Variants in FGF12 observed in about 807,000 individuals in gnomAD.
FGF12 encodes the protein fibroblast growth factor 12, also known as fibroblast growth factor 12B.
A neutral mutation model predicts 23.6 loss-of-function variants in FGF12; 14 were observed. The ratio of observed to expected loss-of-function variants is 0.59; its 90% CI spans 0.39 to 0.93. The LOEUF (loss-of-function observed/expected upper bound fraction) is 0.93, where lower values mean the gene tolerates loss of function less well. FGF12 is among the 40% of genes least tolerant of loss of function. The pLI, the probability that FGF12 is intolerant of heterozygous loss-of-function variation, is 0.00. For missense variants in FGF12, 175 were observed against 217.8 expected (o/e 0.80, Z 1.24); for synonymous variants, 62 against 77.3 (o/e 0.80, Z 1.04).
chr3:192,267,908 A>G (rs550191651), intron 4 of FGF12, among the ~76,000 whole-genome samples: 1 of 152,178 alleles, frequency 6.6e-6, no homozygotes, highest in African/African-American at 2.4e-5. Flanking sequence ...TAAGTTTAAC[A>G]CAAATCATAG....
chr3:192,562,254 C>A (rs1037288133), intron 2 of FGF12, among the ~76,000 whole-genome samples: 2 of 152,058 alleles, frequency 1.3e-5, no homozygotes, highest in Non-Finnish European at 2.9e-5. Flanking sequence ...AAGAGACTGA[C>A]TGGAAGGGAT....
Position 192,173,371 on chromosome 3 carries a change from C to T in FGF12, c.229-2715G>A, listed in dbSNP as rs1305525005. ...GAATGAAACTATTGCACATTCCTTG[C>T]CTGGCAGCACAGGGCTATATGATAA... On this transcript the variant is annotated intron_variant, in intron 4 of 5. Transcript: ENST00000445105. Among the ~76,000 whole-genome samples, 4 of 150,686 alleles carry T rather than the reference C, an allele frequency of 2.7e-5. 1 individual carries two copies. The highest frequency in any genetic ancestry group is 5.9e-5 in the Non-Finnish European group (4 of 67,574).
At chr3:192,339,103 G>T (rs1717560803) in intron 3 of FGF12, among the ~76,000 whole-genome samples, 1 of 152,134 alleles carries the variant, frequency 6.6e-6, no homozygotes, top group Non-Finnish European at 1.5e-5. Context: ...TAGCTGGTTT[G>T]CTTTGTGAGA....
intron 2 of FGF12, among the ~76,000 whole-genome samples, chr3:192,721,236 AAGTC>A (rs1383325949): frequency 1.3e-5 from 2 of 152,178 alleles, no homozygotes; most frequent in Non-Finnish European, 2.9e-5. Context: ...AAAATGATGA[AAGTC>A]AGATTATAAT....
chr3:192,564,213 G>A (rs945791920), intron 2 of FGF12, among the ~76,000 whole-genome samples: 1 of 152,006 alleles, frequency 6.6e-6, no homozygotes, highest in Admixed American at 6.5e-5. Flanking sequence ...ACAGGCGCCC[G>A]CCACCATGCC....
intron 2 of FGF12, among the ~76,000 whole-genome samples, chr3:192,714,024 C>T (rs750288342): frequency 6.6e-6 from 1 of 152,196 alleles, no homozygotes; most frequent in Non-Finnish European, 1.5e-5. Flanking sequence ...GATTTCGTAC[C>T]AGAGCAGTTC....
chr3:192,222,511 T>C (rs1353208435), intron 4 of FGF12, among the ~76,000 whole-genome samples: 1 of 152,166 alleles, frequency 6.6e-6, no homozygotes, highest in Non-Finnish European at 1.5e-5. Context: ...AGTATTTTTC[T>C]TGCACATCAG....
Position 192,167,485 on chromosome 3 carries a change from G to T in FGF12, c.427+2973C>A, listed in dbSNP as rs573513353. Among the ~76,000 whole-genome samples the T allele has an allele frequency of 2.6e-5, 4 of 151,944 alleles. No homozygotes were observed. The South Asian group carries it at 8.3e-4, about 32-fold the overall frequency. ...GTAGTAAAAGCTGGATGCAGCCAAG[G>T]CCCTACCAATTGGAAAAGCACAGTA... On this transcript the variant is annotated intron_variant, in intron 5 of 5. Coordinates refer to ENST00000445105, the MANE Select transcript of FGF12 (RefSeq NM_004113.6).
chr3:192,423,669 T>C (rs1372871197), intron 2 of FGF12, among the ~76,000 whole-genome samples: 1 of 152,206 alleles, frequency 6.6e-6, no homozygotes, highest in Non-Finnish European at 1.5e-5. Flanking sequence ...CAACATGCTT[T>C]AGGTCACACA....
chr3:192,199,594 A>G (rs1411808023), intron 4 of FGF12, among the ~76,000 whole-genome samples: 1 of 152,218 alleles, frequency 6.6e-6, no homozygotes, highest in Non-Finnish European at 1.5e-5. Flanking sequence ...TTGGTTTGAG[A>G]GCCAGTGCAT....
At chr3:192,239,989 T>C (rs1214587456) in intron 4 of FGF12, among the ~76,000 whole-genome samples, 1 of 152,132 alleles carries the variant, frequency 6.6e-6, no homozygotes, top group Non-Finnish European at 1.5e-5. Context: ...GGGGGGAAGA[T>C]CCCAGAAATA....
intron 2 of FGF12, among the ~76,000 whole-genome samples, chr3:192,595,144 T>C (rs1713786156): frequency 6.6e-6 from 1 of 152,252 alleles, no homozygotes. Flanking sequence ...GTTGACTGTA[T>C]AAATATTCCA....
chr3:192,322,199 T>G (rs911672704), intron 4 of FGF12, among the ~76,000 whole-genome samples: 7 of 151,574 alleles, frequency 4.6e-5, no homozygotes, highest in Admixed American at 1.3e-4. Flanking sequence ...AAAAAGAAAT[T>G]TAAAAAAATC....
At chr3:192,627,046 A>G (rs1191906514) in intron 2 of FGF12, among the ~76,000 whole-genome samples, 1 of 152,238 alleles carries the variant, frequency 6.6e-6, no homozygotes, top group Admixed American at 6.5e-5. Flanking sequence ...TTAAAAATCT[A>G]CATGCTAGGA....
chr3:192,597,640 T>C (rs1321828512), intron 2 of FGF12, among the ~76,000 whole-genome samples: 2 of 151,954 alleles, frequency 1.3e-5, no homozygotes, highest in Non-Finnish European at 2.9e-5. Context: ...ATGGAAAGAG[T>C]GGCTGTGTTG....
chr3:192,683,787 C>G (rs1159395761), intron 2 of FGF12, among the ~76,000 whole-genome samples: 1 of 152,134 alleles, frequency 6.6e-6, no homozygotes, highest in Non-Finnish European at 1.5e-5. Context: ...TCTTTCTTTC[C>G]TTCCTAAAGG....
At chr3:192,213,177 A>G (rs886092806) in intron 4 of FGF12, among the ~76,000 whole-genome samples, 5 of 152,236 alleles carry the variant, frequency 3.3e-5, no homozygotes, top group African/African-American at 1.2e-4. Context: ...TGTAAGCACA[A>G]TTGTCCCAGC....
chr3:192,179,604 G>A (rs1336314849), intron 4 of FGF12, among the ~76,000 whole-genome samples: 7 of 150,724 alleles, frequency 4.6e-5, no homozygotes, highest in Admixed American at 1.3e-4. Context: ...GGAGTACAGC[G>A]GCACAATCTT....
intron 4 of FGF12, among the ~76,000 whole-genome samples, chr3:192,173,968 T>C (rs111410550): frequency 6.6e-6 from 1 of 152,170 alleles, no homozygotes; most frequent in Non-Finnish European, 1.5e-5. Context: ...CCCAGTGTCA[T>C]AGGAAGCTAG....
Sources: allele counts gnomAD v4.1 joint callset (sites outside exome capture counted in the v4.1 genomes callset), GRCh38; gene constraint gnomAD v4.1.1; transcripts MANE v1.5; gene names NCBI Gene and HGNC (gene_info 2026-07-23, HGNC 2026-07-21).